The following HIVEP3 variants were observed in gnomAD, a reference collection of about 807,000 sequenced individuals.
HIVEP3 encodes the protein HIVEP zinc finger 3.
A neutral mutation model predicts 152.8 loss-of-function variants in HIVEP3; 49 were observed. The observed-to-expected ratio is 0.32, with a 90% confidence interval of 0.26 to 0.41. HIVEP3 has a LOEUF of 0.41. HIVEP3 is among the 10% of genes least tolerant of loss of function. HIVEP3 has a pLI of 1.00. For missense variants in HIVEP3, 2,790 were observed against 3,103.3 expected (o/e 0.90, Z 2.40); for synonymous variants, 1,269 against 1,289.0 (o/e 0.98, Z 0.33).
chr1:41,538,607 C>T (rs948327465), intron 5 of HIVEP3, among the ~76,000 whole-genome samples: 1 of 152,140 alleles, frequency 6.6e-6, no homozygotes, highest in Non-Finnish European at 1.5e-5. Flanking sequence ...ATAGCAAACG[C>T]CTTTATTCTA....
At chr1:41,563,937 C>A (rs935154789) in intron 5 of HIVEP3, among the ~76,000 whole-genome samples, 5 of 152,020 alleles carry the variant, frequency 3.3e-5, no homozygotes, top group Admixed American at 2.0e-4. Context: ...CAGTAGAAAT[C>A]AAAAACTCCA....
intron 1 of HIVEP3, among the ~76,000 whole-genome samples, chr1:41,912,605 A>T (rs7552489): frequency 6.6e-6 from 1 of 151,964 alleles, no homozygotes; most frequent in African/African-American, 2.4e-5. Flanking sequence ...GCTCTGGCTC[A>T]TTTATTTGAT....
chr1:41,764,839 G>A (rs921989459), intron 1 of HIVEP3, among the ~76,000 whole-genome samples: 2 of 152,164 alleles, frequency 1.3e-5, no homozygotes, highest in African/African-American at 2.4e-5. Flanking sequence ...GAGGCCAGAG[G>A]AGGGTTCATG....
At chr1:41,867,034 A>G (rs1040731802) in intron 1 of HIVEP3, among the ~76,000 whole-genome samples, 7 of 152,216 alleles carry the variant, frequency 4.6e-5, no homozygotes, top group Non-Finnish European at 1.0e-4. Flanking sequence ...ATTCCTCTGC[A>G]TCCTCACCAC....
intron 2 of HIVEP3, among the ~76,000 whole-genome samples, chr1:41,657,269 A>C (rs1337708656): frequency 6.6e-6 from 1 of 152,210 alleles, no homozygotes; most frequent in Admixed American, 6.5e-5. Context: ...GCAGGTGAGC[A>C]CAAGCCTAAA....
At chr1:41,857,613 A>G (rs1015074537) in intron 1 of HIVEP3, among the ~76,000 whole-genome samples, 9 of 152,296 alleles carry the variant, frequency 5.9e-5, no homozygotes, top group African/African-American at 2.2e-4. Context: ...GGGAACTAAT[A>G]TTCATCAAGA....
At chr1:42,010,568 A>T (rs1384932942) in intron 1 of HIVEP3, among the ~76,000 whole-genome samples, 7 of 152,160 alleles carry the variant, frequency 4.6e-5, no homozygotes. Context: ...AGGGCACTTA[A>T]AAGTATTTCC....
chr1:41,573,093 A>G (rs1157438911), intron 5 of HIVEP3, among the ~76,000 whole-genome samples: 1 of 152,216 alleles, frequency 6.6e-6, no homozygotes, highest in Non-Finnish European at 1.5e-5. Flanking sequence ...AGAGCTCCAT[A>G]GCAGATCCTT....
intron 2 of HIVEP3, among the ~76,000 whole-genome samples, chr1:41,650,045 G>T (rs1645523064): frequency 6.6e-6 from 1 of 152,004 alleles, no homozygotes; most frequent in Non-Finnish European, 1.5e-5. Context: ...AAGCAGAAAT[G>T]ACCCAAATCC....
chr1:42,035,684 C>G (rs1057361803), intron 1 of HIVEP3: 1 of 151,924 alleles, frequency 6.6e-6, no homozygotes, highest in Non-Finnish European at 1.5e-5. Flanking sequence ...GTCCCGCCCC[C>G]CGGGACCGCC....
At chr1:41,809,832 G>A (rs546892165) in intron 1 of HIVEP3, among the ~76,000 whole-genome samples, 1 of 152,130 alleles carries the variant, frequency 6.6e-6, no homozygotes, top group Non-Finnish European at 1.5e-5. Flanking sequence ...AAAGGGGAAG[G>A]TCCCTGAGAA....
chr1:41,591,471 A>G (rs963542198), intron 3 of HIVEP3, among the ~76,000 whole-genome samples: 16 of 152,058 alleles, frequency 1.1e-4, no homozygotes, highest in African/African-American at 3.9e-4. Flanking sequence ...GGTCTGATGG[A>G]TCTGACTTTA....
chr1:41,773,369 A>T (rs1437009974), intron 1 of HIVEP3, among the ~76,000 whole-genome samples: 1 of 152,210 alleles, frequency 6.6e-6, no homozygotes, highest in East Asian at 1.9e-4. Context: ...AAAACATCAC[A>T]CAGGGATGGC....
chr1:41,598,096 G>C (rs1037106987), intron 3 of HIVEP3, among the ~76,000 whole-genome samples: 7 of 152,208 alleles, frequency 4.6e-5, no homozygotes, highest in Non-Finnish European at 8.8e-5. Context: ...TCCAGGAAGT[G>C]CTTGTGGGTG....
At chr1:41,593,378 G>A (rs1440684052) in intron 3 of HIVEP3, among the ~76,000 whole-genome samples, 1 of 152,072 alleles carries the variant, frequency 6.6e-6, no homozygotes, top group Non-Finnish European at 1.5e-5. Flanking sequence ...TTTGCGGGCA[G>A]CAGCACTGTA....
rs540997404 is a variant in HIVEP3, at chr1:41,682,143, G to C, written c.-721+18773C>G. Among the ~76,000 whole-genome samples the C allele has an allele frequency of 1.2e-3, 176 of 152,222 alleles. 2 individuals are homozygous for C. Among genetic ancestry groups the C allele is most frequent in the African/African-American group, 3.8e-3 (158 of 41,532 alleles). ...TCTCATACGCACACAGGGACACGCA[G>C]CTGAGGCCACATCTTCTGTGCCTGT... On this transcript the variant is annotated intron_variant, in intron 2 of 8. Coordinates refer to ENST00000372583, the MANE Select transcript of HIVEP3 (RefSeq NM_024503.5).
chr1:41,961,541 G>A (rs1645169573), intron 1 of HIVEP3, among the ~76,000 whole-genome samples: 1 of 152,238 alleles, frequency 6.6e-6, no homozygotes, highest in Non-Finnish European at 1.5e-5. Flanking sequence ...TGAGAGATGT[G>A]TGTAGCTGAC....
chr1:42,026,771 A>C (rs1424830323), intron 1 of HIVEP3, among the ~76,000 whole-genome samples: 1 of 152,166 alleles, frequency 6.6e-6, no homozygotes, highest in Non-Finnish European at 1.5e-5. Flanking sequence ...TGCTCTCTGA[A>C]GCGAACTACA....
chr1:41,791,018 C>T (rs1649658009), intron 1 of HIVEP3, among the ~76,000 whole-genome samples: 1 of 152,060 alleles, frequency 6.6e-6, no homozygotes, highest in African/African-American at 2.4e-5. Flanking sequence ...TCCAAACTCC[C>T]TACCACTGCA....
Sources: allele counts gnomAD v4.1 joint callset (sites outside exome capture counted in the v4.1 genomes callset), GRCh38; gene constraint gnomAD v4.1.1; transcripts MANE v1.5; gene names NCBI Gene and HGNC (gene_info 2026-07-23, HGNC 2026-07-21).